Variants in CHST9 observed in about 807,000 individuals in gnomAD.
The protein encoded by CHST9 is GalNAc-4-sulfotransferase 2.
In CHST9, 41 loss-of-function variants were observed where a neutral mutation model predicts 44.4. The observed-to-expected ratio is 0.92, with a 90% CI of 0.72 to 1.20. The LOEUF (loss-of-function observed/expected upper bound fraction) is 1.20. Ranked by LOEUF, CHST9 falls within the 50% of genes most tolerant of loss-of-function variation. The pLI is 0.00. For synonymous variants in CHST9, 171 were observed against 178.4 expected (o/e 0.96, Z 0.33); for missense variants, 504 against 516.5 (o/e 0.98, Z 0.23).
Position 27,184,762 on chromosome 18 carries a change from A to G in CHST9, c.-97+374T>C, listed in dbSNP as rs529092397. On this transcript the variant is annotated intron_variant, in intron 1 of 5. Transcript: ENST00000618847. ...CTCTTTCCAACCTCTGCATGCCCCA[A>G]GAGGGGTCTGACCCCGGAATCCTGG... is the stretch of plus-strand genomic sequence containing the variant. Among the ~76,000 whole-genome samples the G allele has an allele frequency of 2.8e-4, 43 of 152,234 alleles. 2 individuals are homozygous for G. The South Asian group carries it at 8.7e-3, about 31-fold the overall frequency.
At chr18:26,988,675 A>G (rs2056782156) in intron 4 of CHST9, among the ~76,000 whole-genome samples, 1 of 152,206 alleles carries the variant, frequency 6.6e-6, no homozygotes, top group Admixed American at 6.5e-5. Context: ...GACTTGAAAA[A>G]CATCATTAAT....
rs1407167036 is a variant in CHST9 at position 27,031,184 on chromosome 18, C to T, written c.161-7027G>A. 3.9e-5 allele frequency among the ~76,000 whole-genome samples: 6 copies of T among 152,150 alleles called. No homozygotes were observed. In the East Asian group the frequency reaches 5.8e-4, roughly 15 times the overall value. Reference sequence around the variant, plus strand: ...CAGTTCCAAATATTTATGCAATCTTCGCTTTGACCTCTCCTGAACTTCAAT... The same window carrying T: ...CAGTTCCAAATATTTATGCAATCTTTGCTTTGACCTCTCCTGAACTTCAAT... On this transcript the variant is annotated intron_variant, in intron 3 of 5. Coordinates refer to ENST00000618847, the MANE Select transcript of CHST9 (RefSeq NM_031422.6).
intron 4 of CHST9, among the ~76,000 whole-genome samples, chr18:27,011,857 G>A (rs2057089144): frequency 6.6e-6 from 1 of 152,186 alleles, no homozygotes; most frequent in African/African-American, 2.4e-5. Context: ...AGGCCAGCAG[G>A]TGCTGGCCAC....
chr18:26,927,475 A>T (rs2055790703), intron 5 of CHST9, among the ~76,000 whole-genome samples: 1 of 151,916 alleles, frequency 6.6e-6, no homozygotes, highest in Non-Finnish European at 1.5e-5. Flanking sequence ...TGAGAGGGGG[A>T]TGTGGCAGGA....
intron 3 of CHST9, among the ~76,000 whole-genome samples, chr18:27,040,931 T>G (rs1316977619): frequency 1.3e-5 from 2 of 152,154 alleles, no homozygotes; most frequent in Non-Finnish European, 2.9e-5. Flanking sequence ...TATTTCTGTG[T>G]GCATTTGTAA....
At position 26,931,256 on chromosome 18, in the gene CHST9, G is replaced by A. The variant is rs188391938; in HGVS notation, c.240+13073C>T. Among the ~76,000 whole-genome samples the A allele has an allele frequency of 1.2e-4, 19 of 152,202 alleles. No homozygotes were observed. In the East Asian group the frequency reaches 1.7e-3, roughly 14 times the overall value. On this transcript the variant is annotated intron_variant, in intron 5 of 5. Transcript: ENST00000618847. ...TCTGCACCTTGGGAGGAACAAACAC[G>A]TCTTATTGCACCTTGCCCAGAAATA...
At chr18:27,012,851 T>C (rs189777294) in intron 4 of CHST9, among the ~76,000 whole-genome samples, 2 of 152,358 alleles carry the variant, frequency 1.3e-5, no homozygotes, top group Admixed American at 6.5e-5. Context: ...CTAAAAATTA[T>C]AGCTAGTGGC....
intron 2 of CHST9, among the ~76,000 whole-genome samples, chr18:27,063,581 C>A (rs1451193985): frequency 6.6e-6 from 1 of 152,064 alleles, no homozygotes; most frequent in Non-Finnish European, 1.5e-5. Context: ...ACAGACAATC[C>A]ACTGTCATGT....
Position 27,048,515 on chromosome 18 carries a change from A to G in CHST9, c.122-12T>C. 1.2e-6 allele frequency: 2 copies of G among 1,601,584 alleles called. No individual in the cohort carries two copies. Among genetic ancestry groups the G allele is most frequent in the Non-Finnish European group, 8.5e-7 (1 of 1,173,750 alleles). On this transcript the variant is annotated splice_polypyrimidine_tract_variant and intron_variant, in intron 2 of 5. Transcript: ENST00000618847. ...CTTCTCCACTCTCCCTGAAATGAGA[A>G]GTGGAAGATAAGTTACAGCATGGAG... is the stretch of plus-strand genomic sequence containing the variant.
chr18:27,177,330 T>A (rs12965259), intron 1 of CHST9, among the ~76,000 whole-genome samples: 107,671 of 151,734 alleles, frequency 0.71, 38,407 homozygotes, highest in East Asian at 0.77. Context: ...ATTTAATTTT[T>A]AAATGTATTC....
intron 4 of CHST9, among the ~76,000 whole-genome samples, chr18:26,946,347 C>A (rs1044465900): frequency 2.0e-5 from 3 of 152,118 alleles, no homozygotes; most frequent in African/African-American, 7.2e-5. Flanking sequence ...GAAGGAAGAA[C>A]ATGACAAGGG....
At chr18:27,171,134 G>A (rs2058830810) in intron 1 of CHST9, among the ~76,000 whole-genome samples, 3 of 152,182 alleles carry the variant, frequency 2.0e-5, no homozygotes, top group Admixed American at 1.3e-4. Flanking sequence ...AAATAAACTT[G>A]GTGACAGAGG....
At chr18:27,023,122 ATG>A (rs1325363777) in intron 4 of CHST9, among the ~76,000 whole-genome samples, 1 of 152,224 alleles carries the variant, frequency 6.6e-6, no homozygotes, top group African/African-American at 2.4e-5. Context: ...CTTTGCAAAA[ATG>A]TTGAGTTTTA....
At chr18:27,103,663 A>T (rs2058194695) in intron 2 of CHST9, among the ~76,000 whole-genome samples, 1 of 152,218 alleles carries the variant, frequency 6.6e-6, no homozygotes, top group Admixed American at 6.5e-5. Flanking sequence ...TTATTGAAAG[A>T]GACTGGATTC....
chr18:26,968,448 C>T (rs2056495470), intron 4 of CHST9, among the ~76,000 whole-genome samples: 1 of 152,060 alleles, frequency 6.6e-6, no homozygotes, highest in Admixed American at 6.6e-5. Flanking sequence ...TGTTTACTAA[C>T]CATTGGTGTT....
At chr18:27,158,122 A>C (rs1361132964) in intron 1 of CHST9, among the ~76,000 whole-genome samples, 5 of 152,170 alleles carry the variant, frequency 3.3e-5, no homozygotes, top group African/African-American at 4.8e-5. Flanking sequence ...TTTTAATTAT[A>C]CTTTAAGTTT....
At chr18:27,000,652 CT>C (rs1394772002) in intron 4 of CHST9, among the ~76,000 whole-genome samples, 1 of 151,042 alleles carries the variant, frequency 6.6e-6, no homozygotes, top group Non-Finnish European at 1.5e-5. Context: ...ATCTATCTAT[CT>C]ATCTCTCTAT....
In CHST9 at chr18:27,090,263, C is replaced by A. The variant is rs139991531; in HGVS notation, c.122-41760G>T. Among the ~76,000 whole-genome samples, 561 of 152,266 alleles carry A rather than the reference C, an allele frequency of 3.7e-3. 12 individuals are homozygous for A. The highest frequency in any genetic ancestry group is 2.7e-3 in the Non-Finnish European group (182 of 68,034). On this transcript the variant is annotated intron_variant, in intron 2 of 5. Transcript: ENST00000618847. The stretch of plus-strand genomic sequence containing the variant: ...TATCTTCTTTTGAGAAGTATCTGTT[C>A]ATATACTTTGCCCACTTTTTGATGG...
intron 4 of CHST9, among the ~76,000 whole-genome samples, chr18:26,996,483 A>G (rs2056889521): frequency 6.6e-6 from 1 of 152,146 alleles, no homozygotes; most frequent in Admixed American, 6.5e-5. Context: ...TGGTACATGC[A>G]GGATATGAGG....
Sources: allele counts gnomAD v4.1 joint callset (sites outside exome capture counted in the v4.1 genomes callset), GRCh38; gene constraint gnomAD v4.1.1; transcripts MANE v1.5; gene names NCBI Gene and HGNC (gene_info 2026-07-23, HGNC 2026-07-21).